Variants in HMGXB4 observed in about 807,000 individuals in gnomAD.
HMGXB4 encodes the protein HMG domain-containing protein 4.
A neutral mutation model predicts 63.9 loss-of-function variants in HMGXB4; 27 were observed. The ratio of observed to expected loss-of-function variants is 0.42; its 90% CI spans 0.31 to 0.58. HMGXB4 has a LOEUF of 0.58. HMGXB4 is among the 20% of genes least tolerant of loss of function. The pLI, the probability that HMGXB4 is intolerant of heterozygous loss-of-function variation, is 0.13. For synonymous variants in HMGXB4, 264 were observed against 265.3 expected (o/e 0.99, Z 0.05); for missense variants, 624 against 700.7 (o/e 0.89, Z 1.24).
At chr22:35,262,645 A>C (rs1416036552) in intron 2 of HMGXB4, 1 of 581,562 alleles carries the variant, frequency 1.7e-6, no homozygotes, top group Non-Finnish European at 3.1e-6. Context: ...TGAGTCTCTT[A>C]GTTTATTGGG....
intron 5 of HMGXB4, among the ~76,000 whole-genome samples, chr22:35,277,950 G>A (rs1055041051): frequency 2.0e-4 from 31 of 152,220 alleles, no homozygotes; most frequent in African/African-American, 7.2e-4. Context: ...ATCATGACAC[G>A]TATCCGCCAT....
At chr22:35,276,198 G>A (rs569610754) in intron 5 of HMGXB4, among the ~76,000 whole-genome samples, 3 of 152,350 alleles carry the variant, frequency 2.0e-5, no homozygotes, top group Non-Finnish European at 4.4e-5. Flanking sequence ...GAGGCGAACA[G>A]TGTAAGTAGT....
intron 5 of HMGXB4, among the ~76,000 whole-genome samples, chr22:35,275,900 A>G (rs1021006739): frequency 6.6e-6 from 1 of 152,246 alleles, no homozygotes; most frequent in East Asian, 1.9e-4. Context: ...TCCAAGTTTT[A>G]AAAATATTAA....
chr22:35,271,681 C>T (rs925822970), intron 5 of HMGXB4, among the ~76,000 whole-genome samples: 2 of 152,124 alleles, frequency 1.3e-5, no homozygotes, highest in Admixed American at 6.5e-5. Context: ...TGTGCCAAGG[C>T]GCTCTGGGAC....
intron 5 of HMGXB4, among the ~76,000 whole-genome samples, chr22:35,267,831 C>G (rs984715087): frequency 3.3e-5 from 5 of 152,212 alleles, no homozygotes; most frequent in African/African-American, 1.2e-4. Context: ...ATCCTTTCAT[C>G]CACCAGTCCA....
At chr22:35,284,465 C>A (rs1383437051) in intron 6 of HMGXB4, among the ~76,000 whole-genome samples, 2 of 152,174 alleles carry the variant, frequency 1.3e-5, no homozygotes, top group African/African-American at 4.8e-5. Flanking sequence ...TACTGTAAGT[C>A]AAAAATGCAT....
chr22:35,262,382 A>T lies in HMGXB4; in HGVS notation c.-9A>T. The T allele has an allele frequency of 6.2e-7, 1 of 1,613,982 alleles. No individual in the cohort carries two copies. Among genetic ancestry groups the T allele is most frequent in the Non-Finnish European group, 8.5e-7 (1 of 1,179,822 alleles). ...AGTGACACATTCTCAAAGGCCCTGC[A>T]GGACCACCATGGCTTATGATGACTC... On this transcript the variant is annotated 5_prime_UTR_variant, in exon 2 of 11. Coordinates refer to ENST00000216106, the MANE Select transcript of HMGXB4 (RefSeq NM_001003681.3).
chr22:35,246,639 C>T, the HMGXB4 span, among the ~76,000 whole-genome samples: 131 of 152,316 alleles, frequency 8.6e-4, 1 homozygote, highest in African/African-American at 3.1e-3. Context: ...TTCTGTTGGG[C>T]TTTGTGTGCC....
chr22:35,256,172 A>C (rs1019311025), upstream of HMGXB4, among the ~76,000 whole-genome samples: 2 of 152,204 alleles, frequency 1.3e-5, no homozygotes, highest in Non-Finnish European at 2.9e-5. Flanking sequence ...CACTGATTAG[A>C]GTGTGGTCTC....
intron 5 of HMGXB4, among the ~76,000 whole-genome samples, chr22:35,270,313 G>A (rs777345189): frequency 2.6e-5 from 4 of 152,180 alleles, no homozygotes; most frequent in East Asian, 1.9e-4. Flanking sequence ...TCTAATGCCC[G>A]ATGATCTGTC....
At chr22:35,262,005 C>T in intron 1 of HMGXB4, 1 of 198,432 alleles carries the variant, frequency 5.0e-6, no homozygotes, top group Non-Finnish European at 1.0e-5. Context: ...TTGGTTTCTA[C>T]CCTGTCTCAG....
At chr22:35,272,214 T>C (rs893605844) in intron 5 of HMGXB4, among the ~76,000 whole-genome samples, 2 of 152,046 alleles carry the variant, frequency 1.3e-5, no homozygotes, top group Non-Finnish European at 2.9e-5. Flanking sequence ...AGAAAAACAG[T>C]TTCAAGAGTA....
intron 5 of HMGXB4, among the ~76,000 whole-genome samples, chr22:35,269,847 G>A (rs1377113661): frequency 2.0e-5 from 3 of 152,088 alleles, no homozygotes; most frequent in Non-Finnish European, 4.4e-5. Context: ...GTGTGGTGAC[G>A]CATGACTGGA....
intron 5 of HMGXB4, among the ~76,000 whole-genome samples, chr22:35,271,039 C>T (rs1363799231): frequency 6.6e-6 from 1 of 151,906 alleles, no homozygotes. Context: ...GAGGTGGGAT[C>T]ACTCAAGCCC....
intron 5 of HMGXB4, among the ~76,000 whole-genome samples, chr22:35,275,704 A>G (rs886733487): frequency 1.3e-5 from 2 of 152,082 alleles, no homozygotes; most frequent in Non-Finnish European, 2.9e-5. Context: ...GAGCCACTGC[A>G]CTCCATCCTG....
chr22:35,284,091 TG>T lies in HMGXB4; in HGVS notation c.1297+49del. The T allele has an allele frequency of 2.3e-6, 3 of 1,278,860 alleles. No homozygotes were observed. In the South Asian group the frequency reaches 3.6e-5, roughly 15 times the overall value. The allele number at this position is 1,278,860 out of a possible 1,614,324, so 79.2% of individuals were successfully genotyped here. Reference sequence around the variant, plus strand: ...GCGCTTTTGCTTTCCATTTATATCTTGAAGCAGTGCGATTAATTTCTTCTTC... The same window carrying T: ...GCGCTTTTGCTTTCCATTTATATCTTAAGCAGTGCGATTAATTTCTTCTTC... On this transcript the variant is annotated intron_variant, in intron 6 of 10. Transcript: ENST00000216106.
the HMGXB4 span, among the ~76,000 whole-genome samples, chr22:35,243,639 G>T: frequency 1.3e-5 from 2 of 151,816 alleles, no homozygotes; most frequent in Admixed American, 1.3e-4. Context: ...CACCTCCGGG[G>T]TTTAAGCAAT....
chr22:35,264,014 C>G, intron 4 of HMGXB4, 140 bp downstream of exon 4: 1 of 1,555,060 alleles, frequency 6.4e-7, no homozygotes, highest in Non-Finnish European at 8.7e-7. Context: ...GCCGATAAAC[C>G]AGTGTGAAGG....
chr22:35,256,727 C>G (rs1474398025), upstream of HMGXB4, among the ~76,000 whole-genome samples: 2 of 152,152 alleles, frequency 1.3e-5, no homozygotes, highest in Admixed American at 1.3e-4. Flanking sequence ...TCTCGAACTC[C>G]TGACCTCAGG....
Sources: allele counts gnomAD v4.1 joint callset (sites outside exome capture counted in the v4.1 genomes callset), GRCh38; gene constraint gnomAD v4.1.1; transcripts MANE v1.5; gene names NCBI Gene and HGNC (gene_info 2026-07-23, HGNC 2026-07-21).